CPVL: variants seen among roughly 807,000 people sequenced by gnomAD.
CPVL encodes carboxypeptidase vitellogenic like.
Under a neutral mutation model 63.7 loss-of-function variants are expected in CPVL, and 51 were observed. That is an observed-to-expected ratio of 0.80 (90% CI 0.64 to 1.01). The LOEUF is 1.01. Ranked by LOEUF, CPVL falls within the 50% of genes least tolerant of loss-of-function variation. The probability of loss-of-function intolerance (pLI) is 0.00; values close to 1 mark genes in which losing one functional copy is unlikely to be tolerated. For synonymous variants in CPVL, 195 were observed against 206.0 expected, an observed-to-expected ratio of 0.95 and a Z score of 0.46; for missense variants, 530 against 573.1, an observed-to-expected ratio of 0.92 and a Z score of 0.77.
intron 5 of CPVL, among the ~76,000 whole-genome samples, chr7:29,163,061 A>G (rs966732162): frequency 9.2e-5 from 14 of 152,234 alleles, no homozygotes; most frequent in African/African-American, 3.4e-4. Flanking sequence ...GTAAAACGTT[A>G]CCATGGGTTG....
At chr7:29,150,104 C>T (rs938501223), upstream of CPVL, among the ~76,000 whole-genome samples, 2 of 152,124 alleles carry the variant, frequency 1.3e-5, no homozygotes, top group Non-Finnish European at 2.9e-5. Flanking sequence ...ACTGTCAGGT[C>T]GATCACAAGC....
intron 5 of CPVL, among the ~76,000 whole-genome samples, chr7:29,159,853 T>A (rs1031491757): frequency 2.0e-5 from 3 of 152,174 alleles, no homozygotes; most frequent in Non-Finnish European, 4.4e-5. Context: ...TCTCAACTAG[T>A]GTAATGCAAG....
chr7:29,164,443 T>TTTTCATTTCCTCTTTTTCA (rs1394361656), intron 5 of CPVL, among the ~76,000 whole-genome samples: 1 of 152,086 alleles, frequency 6.6e-6, no homozygotes, highest in Non-Finnish European at 1.5e-5. Flanking sequence ...TTGGCTTGCC[T>TTTTCATTTCCTCTTTTTCA]TTTCATTTCC....
chr7:29,025,403 T>C (rs1787394676), intron 12 of CPVL, among the ~76,000 whole-genome samples: 1 of 152,168 alleles, frequency 6.6e-6, no homozygotes, highest in Non-Finnish European at 1.5e-5. Context: ...GGTCCCAGAC[T>C]CTGTTAAATA....
intron 2 of CPVL, among the ~76,000 whole-genome samples, chr7:29,114,321 A>G (rs1473348199): frequency 6.6e-6 from 1 of 152,180 alleles, no homozygotes; most frequent in East Asian, 1.9e-4. Context: ...AAGAAAGCTG[A>G]AGCACAGAGA....
chr7:29,079,863 T>C lies in CPVL; in HGVS notation c.609+6621A>G, dbSNP rs568972684. The stretch of plus-strand genomic sequence containing the variant: ...TCTGCTCTCTACTCAAATGCAAACA[T>C]GTTGAGAGTCCACCCTATTGGGTTT... On this transcript the variant is annotated intron_variant, in intron 7 of 12. Coordinates refer to ENST00000265394, the MANE Select transcript of CPVL (RefSeq NM_031311.5). 3.9e-5 allele frequency among the ~76,000 whole-genome samples: 6 copies of C among 152,306 alleles called. No individual in the cohort carries two copies. In the South Asian group the frequency reaches 1.2e-3, roughly 32 times the overall value.
At chr7:29,152,117 G>A (rs534489102) in intron 5 of CPVL, among the ~76,000 whole-genome samples, 1 of 152,282 alleles carries the variant, frequency 6.6e-6, no homozygotes, top group South Asian at 2.1e-4. Context: ...TGACTCTATA[G>A]CCTCTGAAGG....
At chr7:29,128,603 CT>C (rs1790329367) in intron 1 of CPVL, among the ~76,000 whole-genome samples, 1 of 151,314 alleles carries the variant, frequency 6.6e-6, no homozygotes. Context: ...GTAATCCCAG[CT>C]ACTCATGAGG....
At chr7:28,999,024 G>T (rs1784354792) in intron 12 of CPVL, among the ~76,000 whole-genome samples, 1 of 151,788 alleles carries the variant, frequency 6.6e-6, no homozygotes, top group Non-Finnish European at 1.5e-5. Context: ...GGCCAACATG[G>T]CGAAACCCTG....
chr7:29,132,379 A>G (rs1759377873), intron 1 of CPVL, among the ~76,000 whole-genome samples: 1 of 152,140 alleles, frequency 6.6e-6, no homozygotes, highest in Non-Finnish European at 1.5e-5. Context: ...TATCTCTATC[A>G]GTGTCCAGGA....
intron 9 of CPVL, among the ~76,000 whole-genome samples, chr7:29,067,222 G>A (rs1162299540): frequency 6.6e-6 from 1 of 152,178 alleles, no homozygotes; most frequent in African/African-American, 2.4e-5. Context: ...AGAGGAGGCT[G>A]AGGCACCAAG....
chr7:29,008,329 G>A (rs1785420655), intron 12 of CPVL, among the ~76,000 whole-genome samples: 1 of 152,236 alleles, frequency 6.6e-6, no homozygotes, highest in Admixed American at 6.5e-5. Flanking sequence ...ATCAGAGTTA[G>A]TGAGTGGTTT....
upstream of CPVL, chr7:29,146,650 C>T (rs1239091338): frequency 1.9e-6 from 3 of 1,550,466 alleles, no homozygotes; most frequent in African/African-American, 4.1e-5. Context: ...AGAAACCTGG[C>T]CGCATCAAGT....
chr7:29,104,523 C>A (rs117034957), intron 3 of CPVL, among the ~76,000 whole-genome samples: 1 of 152,170 alleles, frequency 6.6e-6, no homozygotes, highest in African/African-American at 2.4e-5. Flanking sequence ...GGCCTCCCAA[C>A]GTACTGGGAT....
At chr7:29,053,189 T>C (rs1562743038) in intron 11 of CPVL, among the ~76,000 whole-genome samples, 1 of 152,126 alleles carries the variant, frequency 6.6e-6, no homozygotes, top group Non-Finnish European at 1.5e-5. Flanking sequence ...AACTGGAACT[T>C]CAAAATGTTA....
chr7:29,190,464 G>T (rs889812028), intron 1 of CPVL, among the ~76,000 whole-genome samples: 1 of 152,170 alleles, frequency 6.6e-6, no homozygotes, highest in African/African-American at 2.4e-5. Context: ...TGACAGCCAC[G>T]TTCACCCTGC....
Position 29,165,386 on chromosome 7 carries a change from CT to C in CPVL, c.-11+15903del, listed in dbSNP as rs576339170. On this transcript the variant is annotated intron_variant, in intron 5 of 16. Transcript: ENST00000409850. ...TATATATTACTCTTTATCCTTTAAC[CT>C]TGCTAAACTCACTGAATAGTTCCAA... is the stretch of plus-strand genomic sequence containing the variant. Among the ~76,000 whole-genome samples, 3 of 152,128 alleles carry C rather than the reference CT, an allele frequency of 2.0e-5. No individual in the cohort carries two copies. The East Asian group carries it at 5.8e-4, about 29-fold the overall frequency.
chr7:29,086,425 T>C lies in CPVL; in HGVS notation c.609+59A>G, dbSNP rs375317414. On this transcript the variant is annotated intron_variant, in intron 7 of 12. Coordinates refer to ENST00000265394, the MANE Select transcript of CPVL (RefSeq NM_031311.5). Reference sequence around the variant, plus strand: ...ATTTTAAATGAACAAACTACACTCATAATATATGTCAGTTCTGGTGATGTT... The same window carrying C: ...ATTTTAAATGAACAAACTACACTCACAATATATGTCAGTTCTGGTGATGTT... 1.6e-4 allele frequency: 186 copies of C among 1,176,606 alleles called. No homozygotes were observed. The African/African-American group carries it at 2.7e-3, about 17-fold the overall frequency. The allele number at this position is 1,176,606 out of a possible 1,614,324, so 72.9% of individuals were successfully genotyped here.
rs991671136 is a variant in CPVL at position 29,195,146 on chromosome 7, G to A, written c.-517C>T. The A allele has an allele frequency of 4.4e-5, 30 of 676,730 alleles. No individual in the cohort carries two copies. The East Asian group carries it at 1.0e-3, about 23-fold the overall frequency. The allele number at this position is 676,730 out of a possible 1,614,324, so 41.9% of individuals were successfully genotyped here. A position where few individuals can be genotyped will look rare whatever the true frequency, so the allele number is the denominator to read the frequency against. ...GGGGTGATACTTGTTTGGTTCGCCA[G>A]CACCTCGGTGCCCAGAGCACCTCCG... On this transcript the variant is annotated 5_prime_UTR_variant, in exon 1 of 17. Coordinates refer to the CPVL transcript ENST00000409850.
Sources: gnomAD v4.1 joint callset for allele counts (sites outside exome capture counted in the v4.1 genomes callset) on GRCh38, gnomAD v4.1.1 for gene constraint, MANE v1.5 for transcripts, NCBI Gene and HGNC (gene_info 2026-07-23, HGNC 2026-07-21) for gene names.